Variants in HCLS1 observed in about 807,000 individuals in gnomAD.
HCLS1 encodes hematopoietic cell-specific Lyn substrate 1.
HCLS1 carries 44 observed loss-of-function variants against 68.6 expected under a neutral mutation model. That is an observed-to-expected ratio of 0.64 (90% CI 0.50 to 0.82). The LOEUF is 0.82. Ranked by LOEUF, HCLS1 falls within the 40% of genes least tolerant of loss-of-function variation. HCLS1 has a pLI of 0.00. For synonymous variants in HCLS1, 217 were observed against 225.8 expected (o/e 0.96, Z 0.35); for missense variants, 602 against 612.1 (o/e 0.98, Z 0.17).
At chr3:121,643,772 C>T (rs1461782118) in intron 5 of HCLS1, 2 of 152,170 alleles carry the variant, frequency 1.3e-5, no homozygotes, top group East Asian at 3.8e-4. Context: ...TTACATGACA[C>T]ACTGACTGGG....
intron 4 of HCLS1, 27 bp downstream of exon 4, chr3:121,647,292 A>T: frequency 6.2e-7 from 1 of 1,611,884 alleles, no homozygotes; most frequent in Non-Finnish European, 8.5e-7. Flanking sequence ...GTATTTTTTT[A>T]AAGCAAATCT....
intron 6 of HCLS1, among the ~76,000 whole-genome samples, chr3:121,640,886 G>C (rs2049192123): frequency 1.3e-5 from 2 of 151,168 alleles, no homozygotes; most frequent in Admixed American, 1.3e-4. Flanking sequence ...GAAGGGAAAG[G>C]AAGGGAAGGG....
intron 1 of HCLS1, among the ~76,000 whole-genome samples, chr3:121,659,859 C>A (rs1259244703): frequency 1.3e-5 from 2 of 152,204 alleles, no homozygotes; most frequent in Non-Finnish European, 2.9e-5. Flanking sequence ...ATGGTCCCAT[C>A]CTCCTTCCTG....
chr3:121,652,164 C>T (rs1937765500), intron 3 of HCLS1, among the ~76,000 whole-genome samples: 1 of 152,160 alleles, frequency 6.6e-6, no homozygotes, highest in African/African-American at 2.4e-5. Context: ...ATTCTGTTTG[C>T]ATGAAATTCT....
chr3:121,633,529 A>T (rs949195992), intron 10 of HCLS1, among the ~76,000 whole-genome samples: 2 of 151,666 alleles, frequency 1.3e-5, no homozygotes, highest in African/African-American at 4.8e-5. Flanking sequence ...GCCCATCTTC[A>T]TTCTTTTTAT....
At position 121,631,822 on chromosome 3, in the gene HCLS1, G is replaced by C. The variant is rs557087793; in HGVS notation, c.*24C>G. 24 of 1,613,618 alleles carry C rather than the reference G, an allele frequency of 1.5e-5. No individual in the cohort carries two copies. The African/African-American group carries it at 2.3e-4, about 15-fold the overall frequency. The stretch of plus-strand genomic sequence containing the variant: ...GCCACTTTGGACATGGGAAATCACA[G>C]TTGCAGTAGACAGTGAGCTCTAGTC... On this transcript the variant is annotated 3_prime_UTR_variant, in exon 14 of 14. Transcript: ENST00000314583.
At chr3:121,652,705 C>T (rs1456367255) in intron 3 of HCLS1, among the ~76,000 whole-genome samples, 4 of 151,984 alleles carry the variant, frequency 2.6e-5, no homozygotes, top group Non-Finnish European at 5.9e-5. Context: ...GTGAAGAAAA[C>T]CTTAAATGAA....
At chr3:121,639,611 C>G (rs552366008) in intron 6 of HCLS1, among the ~76,000 whole-genome samples, 5 of 152,158 alleles carry the variant, frequency 3.3e-5, no homozygotes, top group South Asian at 4.2e-4. Flanking sequence ...TGTAGTGGCA[C>G]AATCATGGCT....
Position 121,631,684 on chromosome 3 carries a change from C to T in HCLS1, c.*162G>A. Reference sequence around the variant, plus strand: ...GAGGACTCTTGGGGAAGGGGACCTCCTTCCCCATGCTGTCTCTGCCCCAAG... The same window carrying T: ...GAGGACTCTTGGGGAAGGGGACCTCTTTCCCCATGCTGTCTCTGCCCCAAG... On this transcript the variant is annotated 3_prime_UTR_variant, in exon 14 of 14. Transcript: ENST00000314583. 1.5e-6 allele frequency: 1 copy of T among 678,298 alleles called. No individual in the cohort carries two copies. The highest frequency in any genetic ancestry group is 2.5e-6 in the Non-Finnish European group (1 of 404,792). The allele number at this position is 678,298 out of a possible 1,614,324, so 42.0% of individuals were successfully genotyped here.
intron 3 of HCLS1, 113 bp downstream of exon 3, chr3:121,657,166 A>C: frequency 2.5e-6 from 2 of 807,968 alleles, no homozygotes; most frequent in Non-Finnish European, 4.1e-6. Flanking sequence ...ACAATAATAC[A>C]TAGACATGAA....
chr3:121,635,820 C>G lies in HCLS1; in HGVS notation c.622-16G>C. The G allele has an allele frequency of 6.2e-7, 1 of 1,612,362 alleles. No homozygotes were observed. The highest frequency in any genetic ancestry group is 8.5e-7 in the Non-Finnish European group (1 of 1,178,650). ...CGACAGCGCTCTGCAGGCAGGAGAA[C>G]AGCATGTGTGTTGCGGGAGAGGGGC... On this transcript the variant is annotated splice_polypyrimidine_tract_variant and intron_variant, in intron 8 of 13. Coordinates refer to ENST00000314583, the MANE Select transcript of HCLS1 (RefSeq NM_005335.6).
chr3:121,652,261 A>G (rs1937767257), intron 3 of HCLS1, among the ~76,000 whole-genome samples: 1 of 152,240 alleles, frequency 6.6e-6, no homozygotes, highest in Non-Finnish European at 1.5e-5. Flanking sequence ...TTTCATGGTA[A>G]TAGATATATT....
At chr3:121,635,835 G>A (rs578151403) in intron 8 of HCLS1, 31 bp from the exon 9 acceptor site, 63 of 1,594,810 alleles carry the variant, frequency 4.0e-5, no homozygotes, top group East Asian at 6.7e-5. Context: ...TGTGTGTTGC[G>A]GGAGAGGGGC....
At chr3:121,635,012 C>T (rs1484881621) in intron 9 of HCLS1, among the ~76,000 whole-genome samples, 2 of 152,004 alleles carry the variant, frequency 1.3e-5, no homozygotes, top group Non-Finnish European at 2.9e-5. Context: ...ATCTGTATGC[C>T]TTCTTCAAGC....
chr3:121,643,107 T>C, intron 5 of HCLS1, 126 bp from the exon 6 acceptor site: 1 of 728,998 alleles, frequency 1.4e-6, no homozygotes, highest in South Asian at 1.4e-5. Flanking sequence ...GTATAGGTGT[T>C]TAATGTAGAA....
chr3:121,659,511 GTTTTCTA>G (rs1227560892), intron 1 of HCLS1, among the ~76,000 whole-genome samples: 1 of 152,122 alleles, frequency 6.6e-6, no homozygotes, highest in African/African-American at 2.4e-5. Context: ...AGATTCTCCA[GTTTTCTA>G]TTTCCACTTG....
At position 121,631,843 on chromosome 3, in the gene HCLS1, T is replaced by C. The variant is rs573808335; in HGVS notation, c.*3A>G. 6.2e-7 allele frequency: 1 copy of C among 1,613,720 alleles called. No individual in the cohort carries two copies. Among genetic ancestry groups the C allele is most frequent in the African/African-American group, 1.3e-5 (1 of 75,038 alleles). ...CACAGTTGCAGTAGACAGTGAGCTC[T>C]AGTCACTCCAGAAGCTTGACATAAT... On this transcript the variant is annotated 3_prime_UTR_variant, in exon 14 of 14. Coordinates refer to ENST00000314583, the MANE Select transcript of HCLS1 (RefSeq NM_005335.6).
intron 11 of HCLS1, 102 bp downstream of exon 11, chr3:121,632,965 C>G (rs1240232588): frequency 1.4e-6 from 1 of 728,000 alleles, no homozygotes; most frequent in African/African-American, 1.8e-5. Flanking sequence ...AACACCAGAA[C>G]AGTGCAAGGC....
At chr3:121,654,045 A>T (rs1445949721) in intron 3 of HCLS1, 1 of 152,218 alleles carries the variant, frequency 6.6e-6, no homozygotes, top group Non-Finnish European at 1.5e-5. Context: ...CTACTCACAG[A>T]CACAATCCCA....
Sources: allele counts gnomAD v4.1 joint callset (sites outside exome capture counted in the v4.1 genomes callset), GRCh38; gene constraint gnomAD v4.1.1; transcripts MANE v1.5; gene names NCBI Gene and HGNC (gene_info 2026-07-23, HGNC 2026-07-21).